ERC1: variants seen among roughly 807,000 people sequenced by gnomAD.
ERC1 encodes ELKS/RAB6-interacting/CAST family member 1.
ERC1 carries 56 observed loss-of-function variants against 132.0 expected under a neutral mutation model. That is an observed-to-expected ratio of 0.42 (90% CI 0.34 to 0.53). The LOEUF is 0.53. Among genes scored for constraint, ERC1 ranks in the 20% least tolerant of loss-of-function variants. The probability of loss-of-function intolerance (pLI) is 0.03; values close to 1 mark genes in which losing one functional copy is unlikely to be tolerated. For missense variants in ERC1, 1,202 were observed against 1,349.9 expected, an observed-to-expected ratio of 0.89 and a Z score of 1.72; for synonymous variants, 478 against 476.1, an observed-to-expected ratio of 1.00 and a Z score of -0.05.
intron 15 of ERC1, among the ~76,000 whole-genome samples, chr12:1,371,095 G>C (rs1420496375): frequency 2.6e-5 from 4 of 152,182 alleles, no homozygotes; most frequent in African/African-American, 7.2e-5. Flanking sequence ...GTACAATGTA[G>C]TATCATTAAT....
At chr12:1,117,231 G>A in intron 7 of ERC1, among the ~76,000 whole-genome samples, 1 of 152,118 alleles carries the variant, frequency 6.6e-6, no homozygotes, top group East Asian at 1.9e-4. Flanking sequence ...AAAAAGGAAT[G>A]AGGAGGAAAA....
chr12:1,123,020 C>G (rs915154771), intron 7 of ERC1, among the ~76,000 whole-genome samples: 1 of 152,148 alleles, frequency 6.6e-6, no homozygotes, highest in African/African-American at 2.4e-5. Context: ...GCCACAACCA[C>G]TCCCCCAGCT....
chr12:1,112,834 T>C (rs1428930627), intron 6 of ERC1, among the ~76,000 whole-genome samples: 1 of 152,208 alleles, frequency 6.6e-6, no homozygotes, highest in Non-Finnish European at 1.5e-5. Flanking sequence ...AAGAGACTTA[T>C]TTCAGGTATC....
In ERC1 at chr12:1,276,508, G is replaced by A. The variant is rs553938176; in HGVS notation, c.2619+13343G>A. On this transcript the variant is annotated intron_variant, in intron 14 of 18. Coordinates refer to ENST00000360905, the MANE Select transcript of ERC1 (RefSeq NM_178040.4). ...GCCCACCTCAGCCTCCCAAATGCTGGGATTACTGGCGTGAGCCACTGTGCC... is the reference window on the plus strand; with the variant it reads ...GCCCACCTCAGCCTCCCAAATGCTGAGATTACTGGCGTGAGCCACTGTGCC... Among the ~76,000 whole-genome samples, 215 of 151,794 alleles carry A rather than the reference G, an allele frequency of 1.4e-3. 2 individuals are homozygous for A. The highest frequency in any genetic ancestry group is 2.3e-3 in the Non-Finnish European group (157 of 67,966).
At chr12:1,344,311 T>C (rs1301075002) in intron 15 of ERC1, among the ~76,000 whole-genome samples, 3 of 152,162 alleles carry the variant, frequency 2.0e-5, no homozygotes, top group Non-Finnish European at 4.4e-5. Flanking sequence ...TCGCTAATCA[T>C]GAGCTGTACT....
chr12:1,383,899 C>T (rs2089009447), intron 16 of ERC1, among the ~76,000 whole-genome samples: 1 of 152,096 alleles, frequency 6.6e-6, no homozygotes. Context: ...CACTACAGCC[C>T]TCAGAAGTGG....
chr12:1,394,174 G>A (rs559040575), intron 16 of ERC1, among the ~76,000 whole-genome samples: 397 of 152,042 alleles, frequency 2.6e-3, no homozygotes, highest in Non-Finnish European at 4.2e-3. Flanking sequence ...GCCAAGGCGG[G>A]CAGATCACGA....
chr12:1,242,049 T>G (rs1017019), intron 13 of ERC1, among the ~76,000 whole-genome samples: 64,731 of 151,350 alleles, frequency 0.43, 15,538 homozygotes, highest in African/African-American at 0.65. Flanking sequence ...GTTTCACCAT[T>G]TTGGCCAGGC....
At chr12:1,315,170 C>G (rs1462517263) in intron 15 of ERC1, among the ~76,000 whole-genome samples, 1 of 152,010 alleles carries the variant, frequency 6.6e-6, no homozygotes, top group Non-Finnish European at 1.5e-5. Context: ...CAGGTGTGCA[C>G]CACCACATTT....
At chr12:1,306,724 T>G (rs1342262472) in intron 15 of ERC1, among the ~76,000 whole-genome samples, 4 of 151,880 alleles carry the variant, frequency 2.6e-5, no homozygotes, top group South Asian at 2.1e-4. Context: ...GAAAGTTGGG[T>G]TTTTTTTGTT....
intron 16 of ERC1, among the ~76,000 whole-genome samples, chr12:1,406,022 C>T (rs2091466663): frequency 6.6e-6 from 1 of 152,024 alleles, no homozygotes; most frequent in African/African-American, 2.4e-5. Flanking sequence ...TATTTAATGA[C>T]ATGAAAAAAT....
At chr12:1,261,616 A>G (rs190099811) in intron 13 of ERC1, among the ~76,000 whole-genome samples, 2 of 152,152 alleles carry the variant, frequency 1.3e-5, no homozygotes, top group Non-Finnish European at 2.9e-5. Flanking sequence ...TGTGCTGCTC[A>G]TGGCAAGTCA....
chr12:1,411,170 A>G (rs914444010), intron 17 of ERC1, among the ~76,000 whole-genome samples: 1 of 152,174 alleles, frequency 6.6e-6, no homozygotes, highest in African/African-American at 2.4e-5. Flanking sequence ...TTTCAGGACA[A>G]TTGGCTGGAA....
chr12:1,470,479 T>C (rs913692552), intron 18 of ERC1, among the ~76,000 whole-genome samples: 1 of 151,966 alleles, frequency 6.6e-6, no homozygotes, highest in Non-Finnish European at 1.5e-5. Context: ...CTTCTCCCTT[T>C]TGACACTTTT....
chr12:1,199,387 T>C (rs16928276), intron 12 of ERC1, among the ~76,000 whole-genome samples: 30,114 of 152,214 alleles, frequency 0.2, 3,529 homozygotes, highest in Non-Finnish European at 0.27. Context: ...ACTTTAATTT[T>C]GTGGACTACC....
At chr12:1,362,934 C>T (rs1288889227) in intron 15 of ERC1, among the ~76,000 whole-genome samples, 2 of 152,198 alleles carry the variant, frequency 1.3e-5, no homozygotes, top group East Asian at 3.8e-4. Flanking sequence ...TATATGAGAA[C>T]ATTCCTCATT....
At chr12:1,161,740 A>G (rs146552302) in intron 8 of ERC1, among the ~76,000 whole-genome samples, 174 of 152,336 alleles carry the variant, frequency 1.1e-3, no homozygotes, top group African/African-American at 3.9e-3. Flanking sequence ...TGTACAAAAA[A>G]GCCTTAAATT....
At chr12:1,405,968 G>A (rs921668162) in intron 16 of ERC1, among the ~76,000 whole-genome samples, 8 of 151,726 alleles carry the variant, frequency 5.3e-5, no homozygotes, top group Non-Finnish European at 8.8e-5. Flanking sequence ...ACATATACAC[G>A]TATACATATA....
At position 1,440,486 on chromosome 12, in the gene ERC1, G is replaced by A. The variant is rs567081923; in HGVS notation, c.3025-4076G>A. ...CTCCCAAAGTGCTGCGATTACAGGTGTGAGCCACCGCGCCCGGCCTTTTTT... is the reference window on the plus strand; with the variant it reads ...CTCCCAAAGTGCTGCGATTACAGGTATGAGCCACCGCGCCCGGCCTTTTTT... On this transcript the variant is annotated intron_variant, in intron 17 of 18. Coordinates refer to ENST00000360905, the MANE Select transcript of ERC1 (RefSeq NM_178040.4). Among the ~76,000 whole-genome samples the A allele has an allele frequency of 2.0e-4, 30 of 148,572 alleles. 1 individual carries two copies. Among genetic ancestry groups the A allele is most frequent in the African/African-American group, 6.7e-4 (27 of 40,102 alleles).
Sources: gnomAD v4.1 joint callset for allele counts (sites outside exome capture counted in the v4.1 genomes callset) on GRCh38, gnomAD v4.1.1 for gene constraint, MANE v1.5 for transcripts, NCBI Gene and HGNC (gene_info 2026-07-23, HGNC 2026-07-21) for gene names.